The following ADISSP variants were observed in gnomAD, a reference collection of about 807,000 sequenced individuals.
The protein encoded by ADISSP is adipose-secreted signaling protein.
chr20:3,766,545 C>A, the ADISSP span, among the ~76,000 whole-genome samples: 1 of 152,204 alleles, frequency 6.6e-6, no homozygotes, highest in African/African-American at 2.4e-5. Context: ...GCATTCTCCC[C>A]ACTTTGCCCT....
At chr20:3,758,491 G>A in the ADISSP span, 1 of 1,591,258 alleles carries the variant, frequency 6.3e-7, no homozygotes. This position sits in a 1 kb window ranked among gnomAD's most constrained non-coding sequence, Gnocchi z 5.5. Context: ...GCCAGGCAGA[G>A]CCGGGGAGGG....
the ADISSP span, among the ~76,000 whole-genome samples, chr20:3,762,711 T>C: frequency 2.0e-5 from 3 of 152,226 alleles, no homozygotes; most frequent in African/African-American, 7.2e-5. Context: ...CACTTACATG[T>C]TGTCTGTTTT....
chr20:3,765,443 CCT>C, the ADISSP span, among the ~76,000 whole-genome samples: 1 of 152,196 alleles, frequency 6.6e-6, no homozygotes, highest in Non-Finnish European at 1.5e-5. Context: ...CTTCTCTGTC[CCT>C]GTTTCCTAAT....
At chr20:3,758,452 C>T in the ADISSP span, 3 of 1,343,822 alleles carry the variant, frequency 2.2e-6, no homozygotes, top group Non-Finnish European at 3.1e-6. The surrounding 1 kb of genome is among the most constrained non-coding windows in gnomAD (Gnocchi z 5.5). Context: ...ATAAGCCCGG[C>T]TGAGAGGAAC....
chr20:3,755,518 A>G, the ADISSP span: 1 of 1,613,204 alleles, frequency 6.2e-7, no homozygotes, highest in African/African-American at 1.3e-5. Context: ...GGCTGGGGAC[A>G]GGTGCCTCGC....
At chr20:3,755,683 T>C in the ADISSP span, 2 of 1,340,264 alleles carry the variant, frequency 1.5e-6, no homozygotes, top group East Asian at 4.7e-5. Context: ...GTGCCACCTA[T>C]GATCCCATGC....
At chr20:3,754,176 A>G in the ADISSP span, 2 of 1,603,624 alleles carry the variant, frequency 1.2e-6, no homozygotes, top group African/African-American at 2.7e-5. Flanking sequence ...GCAGGGTGCA[A>G]GTCAGTGCCA....
At chr20:3,764,743 C>T in the ADISSP span, among the ~76,000 whole-genome samples, 1 of 152,078 alleles carries the variant, frequency 6.6e-6, no homozygotes, top group Non-Finnish European at 1.5e-5. Context: ...TGAATGACCA[C>T]ATCACATTTG....
chr20:3,759,402 C>T, the ADISSP span, among the ~76,000 whole-genome samples: 3 of 152,308 alleles, frequency 2.0e-5, no homozygotes, highest in Non-Finnish European at 4.4e-5. This position sits in a 1 kb window ranked among gnomAD's most constrained non-coding sequence, Gnocchi z 4.6. Flanking sequence ...AAAGGGCAGA[C>T]GGATGAGACA....
chr20:3,764,961 G>C, the ADISSP span, among the ~76,000 whole-genome samples: 14 of 152,212 alleles, frequency 9.2e-5, no homozygotes, highest in Non-Finnish European at 1.9e-4. Flanking sequence ...CTGGTTACCT[G>C]TCCATGCCTG....
the ADISSP span, chr20:3,758,531 T>C: frequency 3.7e-6 from 6 of 1,608,266 alleles, no homozygotes; most frequent in Non-Finnish European, 4.2e-6. This position sits in a 1 kb window ranked among gnomAD's most constrained non-coding sequence, Gnocchi z 5.5. Flanking sequence ...TAGGTGTGCA[T>C]GTACCTTGAC....
the ADISSP span, among the ~76,000 whole-genome samples, chr20:3,763,610 G>A: frequency 6.6e-6 from 1 of 151,958 alleles, no homozygotes; most frequent in African/African-American, 2.4e-5. Flanking sequence ...AAATGGCCTG[G>A]ATATGAGGTA....
chr20:3,761,683 T>C, the ADISSP span, among the ~76,000 whole-genome samples: 1 of 152,202 alleles, frequency 6.6e-6, no homozygotes, highest in African/African-American at 2.4e-5. Flanking sequence ...AATGGAGGTA[T>C]GTGACTTCTC....
chr20:3,757,447 CTCTG>C, the ADISSP span, among the ~76,000 whole-genome samples: 2 of 152,076 alleles, frequency 1.3e-5, no homozygotes, highest in African/African-American at 4.8e-5. Context: ...TTCATATTTT[CTCTG>C]TCTTCCAAAT....
At chr20:3,760,723 T>A in the ADISSP span, among the ~76,000 whole-genome samples, 1 of 152,174 alleles carries the variant, frequency 6.6e-6, no homozygotes, top group Admixed American at 6.5e-5. Context: ...CAGGGCCATA[T>A]GCAAAACAGA....
At chr20:3,765,602 G>A in the ADISSP span, among the ~76,000 whole-genome samples, 4 of 152,210 alleles carry the variant, frequency 2.6e-5, no homozygotes, top group Admixed American at 1.3e-4. Flanking sequence ...CAGCAGCACC[G>A]TCAGAGAGGC....
At chr20:3,758,442 A>G in the ADISSP span, 4 of 1,217,032 alleles carry the variant, frequency 3.3e-6, no homozygotes, top group Non-Finnish European at 4.7e-6. The surrounding 1 kb of genome is among the most constrained non-coding windows in gnomAD (Gnocchi z 5.5). Flanking sequence ...AGACATGCCT[A>G]TAAGCCCGGC....
the ADISSP span, among the ~76,000 whole-genome samples, chr20:3,757,116 C>T: frequency 2.5e-4 from 38 of 151,850 alleles, no homozygotes; most frequent in South Asian, 4.2e-4. Context: ...TTTGGGAGGC[C>T]GACACGGACG....
the ADISSP span, chr20:3,753,930 G>GGGCAA: frequency 4.3e-6 from 3 of 694,434 alleles, no homozygotes; most frequent in Non-Finnish European, 7.6e-6. Flanking sequence ...TGAGAGGCGT[G>GGGCAA]GGCAAGGCCA....
Sources: gnomAD v4.1 joint callset for allele counts (sites outside exome capture counted in the v4.1 genomes callset) on GRCh38, gnomAD v4.1.1 for gene constraint, Gnocchi (gnomAD v3.1) non-coding constraint, MANE v1.5 for transcripts, NCBI Gene and HGNC (gene_info 2026-07-23, HGNC 2026-07-21) for gene names.